Variants in CNTNAP2 observed in about 807,000 individuals in gnomAD.
CNTNAP2 encodes contactin-associated protein-like 2.
CNTNAP2 carries 98 observed loss-of-function variants against 155.2 expected under a neutral mutation model. That is an observed-to-expected ratio of 0.63 (90% CI 0.54 to 0.75). CNTNAP2 has a LOEUF of 0.75. CNTNAP2 is among the 30% of genes least tolerant of loss of function. CNTNAP2 has a pLI of 0.00. For synonymous variants in CNTNAP2, 651 were observed against 631.2 expected (o/e 1.03, Z -0.47); for missense variants, 1,727 against 1,688.1 (o/e 1.02, Z -0.40).
chr7:147,095,186 ATTTTTTTT>A (rs36113270), intron 4 of CNTNAP2, among the ~76,000 whole-genome samples: 10 of 114,520 alleles, frequency 8.7e-5, no homozygotes, highest in Non-Finnish European at 1.3e-4. Flanking sequence ...CGCCTGGCTA[ATTTTTTTT>A]TTTTTTTTTT....
At chr7:146,928,519 G>T (rs907159689) in intron 3 of CNTNAP2, among the ~76,000 whole-genome samples, 4 of 152,164 alleles carry the variant, frequency 2.6e-5, no homozygotes, top group African/African-American at 9.7e-5. Context: ...GCAGAAGACG[G>T]GTGATTTCTG....
intron 13 of CNTNAP2, among the ~76,000 whole-genome samples, chr7:147,772,776 T>C (rs1797495454): frequency 6.6e-6 from 1 of 151,966 alleles, no homozygotes; most frequent in Non-Finnish European, 1.5e-5. Context: ...TACTTCACAT[T>C]GCCTTTAGAG....
chr7:148,309,536 G>A (rs1585260900), intron 21 of CNTNAP2, among the ~76,000 whole-genome samples: 1 of 152,128 alleles, frequency 6.6e-6, no homozygotes, highest in African/African-American at 2.4e-5. Context: ...GAGATGGGGT[G>A]GGGCCATTTT....
intron 1 of CNTNAP2, among the ~76,000 whole-genome samples, chr7:146,364,514 T>A (rs1795128539): frequency 6.6e-6 from 1 of 152,200 alleles, no homozygotes; most frequent in African/African-American, 2.4e-5. Flanking sequence ...AATTATAAAC[T>A]TTATTCACTG....
intron 22 of CNTNAP2, among the ~76,000 whole-genome samples, chr7:148,401,264 A>C (rs1799576455): frequency 6.6e-6 from 1 of 152,210 alleles, no homozygotes; most frequent in South Asian, 2.1e-4. Context: ...TCCTCGTAGC[A>C]GCGACTCTGG....
At chr7:146,768,243 T>C (rs1802231874) in intron 1 of CNTNAP2, among the ~76,000 whole-genome samples, 1 of 151,656 alleles carries the variant, frequency 6.6e-6, no homozygotes. Context: ...ACTAAAACTA[T>C]CTTGAATTAC....
At chr7:146,280,946 A>G (rs367701289) in intron 1 of CNTNAP2, among the ~76,000 whole-genome samples, 1 of 152,140 alleles carries the variant, frequency 6.6e-6, no homozygotes, top group Admixed American at 6.6e-5. Context: ...CAGGGTGAGG[A>G]TGGGAGCAGA....
chr7:147,626,281 G>A (rs1794974484), intron 12 of CNTNAP2, among the ~76,000 whole-genome samples: 1 of 152,022 alleles, frequency 6.6e-6, no homozygotes, highest in African/African-American at 2.4e-5. Flanking sequence ...GGAAGTCTAT[G>A]TCCTCAGGCA....
chr7:146,585,193 C>T (rs1168206866), intron 1 of CNTNAP2, among the ~76,000 whole-genome samples: 1 of 152,136 alleles, frequency 6.6e-6, no homozygotes, highest in Non-Finnish European at 1.5e-5. Flanking sequence ...ACGATCTCGG[C>T]TCACTGCAAC....
At position 147,437,103 on chromosome 7, in the gene CNTNAP2, T is replaced by C. The variant is rs541110010; in HGVS notation, c.1670+41323T>C. On this transcript the variant is annotated intron_variant, in intron 10 of 23. Transcript: ENST00000361727. The stretch of plus-strand genomic sequence containing the variant: ...TCTCGGTGAACACTTGGTTTTCACA[T>C]AGTTTTAATCACGGAACTAGTATGT... 3.0e-4 allele frequency among the ~76,000 whole-genome samples: 46 copies of C among 152,128 alleles called. No individual in the cohort carries two copies. In the South Asian group the frequency reaches 5.4e-3, roughly 18 times the overall value.
In CNTNAP2 at chr7:148,354,380, A is replaced by C. The variant is rs1339015984; in HGVS notation, c.3476-29269A>C. 3.9e-5 allele frequency among the ~76,000 whole-genome samples: 6 copies of C among 152,198 alleles called. 1 individual carries two copies. Among genetic ancestry groups the C allele is most frequent in the African/African-American group, 1.4e-4 (6 of 41,530 alleles). On this transcript the variant is annotated intron_variant, in intron 21 of 23. Transcript: ENST00000361727. ...CTTAGAAAAGTTGTTGAAATGACCA[A>C]ATTTCTAATTCCATTGGGATTTGGA... is the stretch of plus-strand genomic sequence containing the variant.
At chr7:147,057,227 T>C (rs1200690117) in intron 4 of CNTNAP2, among the ~76,000 whole-genome samples, 4 of 152,178 alleles carry the variant, frequency 2.6e-5, no homozygotes, top group Admixed American at 1.3e-4. Flanking sequence ...TTTCCTCCTT[T>C]GTCAACCAAC....
At chr7:146,244,021 G>A (rs1799604721) in intron 1 of CNTNAP2, among the ~76,000 whole-genome samples, 1 of 152,022 alleles carries the variant, frequency 6.6e-6, no homozygotes, top group Non-Finnish European at 1.5e-5. Context: ...TGATATTGTG[G>A]GGTTGTTAGA....
chr7:147,710,644 A>G (rs1387245762), intron 13 of CNTNAP2, among the ~76,000 whole-genome samples: 1 of 152,166 alleles, frequency 6.6e-6, no homozygotes, highest in East Asian at 1.9e-4. Context: ...TTGCTCTTTT[A>G]GAACTATAAT....
intron 8 of CNTNAP2, among the ~76,000 whole-genome samples, chr7:147,235,141 C>T (rs187024358): frequency 6.6e-5 from 10 of 152,130 alleles, no homozygotes; most frequent in East Asian, 5.8e-4. Context: ...GACTCTTCCC[C>T]GAGTGAGAGA....
intron 3 of CNTNAP2, among the ~76,000 whole-genome samples, chr7:146,867,295 G>A (rs1439631663): frequency 6.6e-6 from 1 of 152,044 alleles, no homozygotes; most frequent in Non-Finnish European, 1.5e-5. Context: ...TCTTGTGTTA[G>A]TTTGCTAAGG....
At chr7:148,043,463 G>C (rs1269761004) in intron 15 of CNTNAP2, among the ~76,000 whole-genome samples, 3 of 152,178 alleles carry the variant, frequency 2.0e-5, no homozygotes, top group Non-Finnish European at 4.4e-5. Context: ...GCTTTCACCT[G>C]TCAAGCTAAG....
At chr7:147,022,167 T>C (rs969419525) in intron 3 of CNTNAP2, among the ~76,000 whole-genome samples, 1 of 152,162 alleles carries the variant, frequency 6.6e-6, no homozygotes, top group Admixed American at 6.6e-5. Context: ...CACTGATTTC[T>C]ACAAAGTGAG....
At chr7:147,255,746 G>A (rs1289816477) in intron 8 of CNTNAP2, among the ~76,000 whole-genome samples, 2 of 151,910 alleles carry the variant, frequency 1.3e-5, no homozygotes, top group Non-Finnish European at 2.9e-5. Context: ...ATGTTTGTTT[G>A]TTTATTTGTT....
Sources: gnomAD v4.1 joint callset for allele counts (sites outside exome capture counted in the v4.1 genomes callset) on GRCh38, gnomAD v4.1.1 for gene constraint, MANE v1.5 for transcripts, NCBI Gene and HGNC (gene_info 2026-07-23, HGNC 2026-07-21) for gene names.